Variants in SIM2 observed in about 807,000 individuals in gnomAD.
The protein encoded by SIM2 is SIM bHLH transcription factor 2, also known as single-minded homolog 2.
SIM2 carries 28 observed loss-of-function variants against 64.8 expected under a neutral mutation model. That is an observed-to-expected ratio of 0.43 (90% CI 0.32 to 0.59). SIM2 has a LOEUF of 0.59. SIM2 is among the 20% of genes least tolerant of loss of function. The pLI is 0.07. For missense variants in SIM2, 847 were observed against 871.4 expected (o/e 0.97, Z 0.35); for synonymous variants, 408 against 391.1 (o/e 1.04, Z -0.51).
At chr21:36,716,998 T>C (rs945050370) in intron 3 of SIM2, among the ~76,000 whole-genome samples, 2 of 152,220 alleles carry the variant, frequency 1.3e-5, no homozygotes, top group African/African-American at 4.8e-5. Flanking sequence ...AAATTTGTTC[T>C]GTAAAGACAT....
intron 1 of SIM2, among the ~76,000 whole-genome samples, chr21:36,707,103 C>G (rs996231804): frequency 6.6e-6 from 1 of 152,222 alleles, no homozygotes; most frequent in African/African-American, 2.4e-5. Flanking sequence ...CCACGCTCAC[C>G]GTTAACACTG....
rs533444657 is a variant in SIM2 at position 36,731,645 on chromosome 21, G to A, written c.850+494G>A. On this transcript the variant is annotated intron_variant, in intron 7 of 10. Transcript: ENST00000290399. ...ACCTTCATACAGCTGGATGGTAGCGGAGTTGGAAGCTGAACCCACGCAGAG... is the reference window on the plus strand; with the variant it reads ...ACCTTCATACAGCTGGATGGTAGCGAAGTTGGAAGCTGAACCCACGCAGAG... Among the ~76,000 whole-genome samples, 6 of 152,244 alleles carry A rather than the reference G, an allele frequency of 3.9e-5. No homozygotes were observed. The South Asian group carries it at 1.2e-3, about 32-fold the overall frequency.
chr21:36,719,769 G>T, intron 3 of SIM2, 52 bp from the exon 4 acceptor site: 6 of 1,116,620 alleles, frequency 5.4e-6, no homozygotes, highest in Non-Finnish European at 8.2e-6. Context: ...CCCTCCCCCT[G>T]CGCCAATCCC....
intron 3 of SIM2, among the ~76,000 whole-genome samples, chr21:36,719,320 G>A (rs368637572): frequency 3.9e-5 from 6 of 152,274 alleles, no homozygotes; most frequent in South Asian, 2.1e-4. Flanking sequence ...CTCCTCGGGC[G>A]CAGTGGCGCC....
rs2089287500 is a variant in SIM2, at chr21:36,749,116, G to A, written c.*1024G>A. On this transcript the variant is annotated 3_prime_UTR_variant, in exon 11 of 11. Coordinates refer to ENST00000290399, the MANE Select transcript of SIM2 (RefSeq NM_005069.6). ...AGAAAACTTCGTAAGAACATGTTAC[G>A]TGTGCAACAGGTAAACAGAAATCCT... 2 of 152,758 alleles carry A rather than the reference G, an allele frequency of 1.3e-5. No homozygotes were observed. Among genetic ancestry groups the A allele is most frequent in the Middle Eastern group, 3.4e-3 (1 of 294 alleles). The allele number at this position is 152,758 out of a possible 1,614,324, so 9.5% of individuals were successfully genotyped here.
chr21:36,700,047 G>A, intron 1 of SIM2, 126 bp downstream of exon 1: 5 of 1,018,202 alleles, frequency 4.9e-6, no homozygotes, highest in East Asian at 2.8e-5. Flanking sequence ...GGCGTCTGAG[G>A]GAGGTTGCGT....
At chr21:36,722,758 G>T (rs899792125) in intron 4 of SIM2, among the ~76,000 whole-genome samples, 2 of 152,210 alleles carry the variant, frequency 1.3e-5, no homozygotes, top group African/African-American at 4.8e-5. Flanking sequence ...GCCCCCAGGA[G>T]CGGGCGACGG....
At chr21:36,700,739 G>A (rs190723115) in intron 1 of SIM2, among the ~76,000 whole-genome samples, 6 of 152,340 alleles carry the variant, frequency 3.9e-5, no homozygotes, top group African/African-American at 1.2e-4. Flanking sequence ...GTCCGGGCAG[G>A]AGAGACCCGC....
intron 4 of SIM2, among the ~76,000 whole-genome samples, chr21:36,722,480 G>A (rs187271080): frequency 1.3e-5 from 2 of 152,338 alleles, no homozygotes; most frequent in Non-Finnish European, 2.9e-5. Flanking sequence ...GTCTTAGAGT[G>A]CTGGTGTCCC....
chr21:36,709,483 C>G, intron 2 of SIM2: 1 of 667,808 alleles, frequency 1.5e-6, no homozygotes, highest in South Asian at 1.5e-5. Flanking sequence ...GCCGAAGGCC[C>G]CAGGACTCCC....
chr21:36,739,088 G>A (rs887991290), intron 7 of SIM2, among the ~76,000 whole-genome samples: 7 of 152,072 alleles, frequency 4.6e-5, no homozygotes, highest in Admixed American at 6.5e-5. Flanking sequence ...CCTCCTCCTC[G>A]TTGGAAATTT....
intron 1 of SIM2, among the ~76,000 whole-genome samples, 194 bp downstream of exon 1, chr21:36,700,115 G>A (rs891970955): frequency 5.9e-5 from 9 of 152,334 alleles, no homozygotes; most frequent in Admixed American, 1.3e-4. Context: ...TGGCGGCCCA[G>A]GCGACCAAAC....
intron 1 of SIM2, among the ~76,000 whole-genome samples, chr21:36,706,775 G>A (rs1424210343): frequency 6.6e-6 from 1 of 152,184 alleles, no homozygotes; most frequent in Non-Finnish European, 1.5e-5. Flanking sequence ...GGAACATCTA[G>A]CACCCGACCA....
In SIM2 at chr21:36,719,907, G is replaced by T; in HGVS notation, c.435G>T (p.Pro145=). 6.2e-7 allele frequency: 1 copy of T among 1,609,550 alleles called. No individual in the cohort carries two copies. The highest frequency in any genetic ancestry group is 8.5e-7 in the Non-Finnish European group (1 of 1,176,648). ...EMTAVLTAHQ[P]LHHHLLQEYE... is the part of the protein sequence containing the mutation. ...CCGCTGTCCTCACGGCCCACCAGCC[G>T]CTGCACCACCACCTGCTCCAAGGTA... Residue 145 remains proline, a synonymous_variant, in exon 4 of 11, where the codon CCG becomes CCT. Coordinates refer to ENST00000290399, the MANE Select transcript of SIM2 (RefSeq NM_005069.6).
rs765641205 is a variant in SIM2 at position 36,719,784 on chromosome 21, A to T, written c.349-37A>T. ...CCCTCCCCCTGCGCCAATCCCAGAG[A>T]GGCGGTGGCATTTCTGACCCTTCCC... is the stretch of plus-strand genomic sequence containing the variant. On this transcript the variant is annotated intron_variant, in intron 3 of 10. Coordinates refer to ENST00000290399, the MANE Select transcript of SIM2 (RefSeq NM_005069.6). The T allele has an allele frequency of 4.7e-6, 6 of 1,264,160 alleles. No homozygotes were observed. In the African/African-American group the frequency reaches 8.8e-5, roughly 19 times the overall value. 78.3% of individuals were successfully genotyped at this position (1,264,160 alleles called of 1,614,324 possible).
intron 2 of SIM2, among the ~76,000 whole-genome samples, chr21:36,710,882 C>T (rs2088666540): frequency 1.3e-5 from 2 of 152,192 alleles, no homozygotes; most frequent in Non-Finnish European, 2.9e-5. Context: ...CTTCCAGCTC[C>T]GAGCTGGGTG....
chr21:36,724,139 C>A (rs559150853), intron 5 of SIM2, among the ~76,000 whole-genome samples: 2 of 152,360 alleles, frequency 1.3e-5, no homozygotes, highest in South Asian at 4.1e-4. Context: ...CTCTTTGACC[C>A]CACTCTGAGC....
intron 2 of SIM2, among the ~76,000 whole-genome samples, chr21:36,711,734 G>T (rs1181221783): frequency 6.6e-6 from 1 of 152,172 alleles, no homozygotes; most frequent in East Asian, 1.9e-4. Flanking sequence ...AAATATGAAT[G>T]AGTAAATAAA....
At chr21:36,740,539 T>C (rs1383969939) in intron 7 of SIM2, among the ~76,000 whole-genome samples, 1 of 152,206 alleles carries the variant, frequency 6.6e-6, no homozygotes, top group Non-Finnish European at 1.5e-5. Flanking sequence ...CCGTGCAGCA[T>C]TTTCTTTTGC....
Sources: allele counts gnomAD v4.1 joint callset (sites outside exome capture counted in the v4.1 genomes callset), GRCh38; gene constraint gnomAD v4.1.1; transcripts MANE v1.5; gene names NCBI Gene and HGNC (gene_info 2026-07-23, HGNC 2026-07-21).